AUTS2: variants seen among roughly 807,000 people sequenced by gnomAD.
AUTS2 encodes the protein activator of transcription and developmental regulator AUTS2.
AUTS2 carries 17 observed loss-of-function variants against 112.4 expected under a neutral mutation model. The observed-to-expected ratio is 0.15, with a 90% CI of 0.10 to 0.23. The LOEUF is 0.23. Ranked by LOEUF, AUTS2 falls within the 10% of genes least tolerant of loss-of-function variation. The pLI is 1.00. For missense variants in AUTS2, 1,510 were observed against 1,701.6 expected, an observed-to-expected ratio of 0.89 and a Z score of 1.98; for synonymous variants, 751 against 702.7, an observed-to-expected ratio of 1.07 and a Z score of -1.09.
chr7:69,682,041 TTA>T (rs1796822641), intron 1 of AUTS2, among the ~76,000 whole-genome samples: 1 of 152,198 alleles, frequency 6.6e-6, no homozygotes, highest in African/African-American at 2.4e-5. Flanking sequence ...CTTAGGTGAG[TTA>T]ATGCCTGTAA....
At chr7:70,548,892 A>G (rs530788761) in intron 5 of AUTS2, among the ~76,000 whole-genome samples, 11 of 150,962 alleles carry the variant, frequency 7.3e-5, no homozygotes, top group South Asian at 2.1e-4. Flanking sequence ...TTGCATTTCC[A>G]TATACATTTT....
At chr7:70,762,447 T>C (rs1276865781) in intron 6 of AUTS2, among the ~76,000 whole-genome samples, 1 of 152,006 alleles carries the variant, frequency 6.6e-6, no homozygotes, top group Non-Finnish European at 1.5e-5. Context: ...ATTTTTTTTT[T>C]TGTAGAGTCA....
At chr7:70,503,427 C>T (rs1183290710) in intron 5 of AUTS2, among the ~76,000 whole-genome samples, 2 of 151,730 alleles carry the variant, frequency 1.3e-5, no homozygotes, top group African/African-American at 4.8e-5. Context: ...CAAGCTAGGC[C>T]CAGTGGTTTG....
intron 4 of AUTS2, among the ~76,000 whole-genome samples, chr7:70,251,536 A>C (rs1025349225): frequency 1.3e-5 from 2 of 152,070 alleles, no homozygotes; most frequent in African/African-American, 4.8e-5. Context: ...TTGTCTATTC[A>C]GTTTCTTTTC....
chr7:70,345,540 G>T (rs1332381572), intron 4 of AUTS2, among the ~76,000 whole-genome samples: 1 of 152,002 alleles, frequency 6.6e-6, no homozygotes, highest in African/African-American at 2.4e-5. Context: ...TTCTTATAGG[G>T]GCAGTTTCAC....
intron 2 of AUTS2, among the ~76,000 whole-genome samples, chr7:70,054,487 TCTC>T (rs1373585176): frequency 6.6e-6 from 1 of 152,186 alleles, no homozygotes; most frequent in Non-Finnish European, 1.5e-5. Context: ...CTGCCTGTGT[TCTC>T]CTTCTGTCCC....
chr7:69,710,062 G>A (rs1173864796), intron 1 of AUTS2, among the ~76,000 whole-genome samples: 2 of 152,050 alleles, frequency 1.3e-5, no homozygotes, highest in African/African-American at 4.8e-5. Context: ...TTGATGGCCA[G>A]CCCTCTAAAT....
chr7:69,736,992 G>T (rs943948312), intron 1 of AUTS2, among the ~76,000 whole-genome samples: 3 of 152,076 alleles, frequency 2.0e-5, no homozygotes, highest in African/African-American at 7.2e-5. Context: ...GGGTTATTCC[G>T]GGAAAATCAG....
intron 5 of AUTS2, among the ~76,000 whole-genome samples, chr7:70,573,269 C>T (rs1802025796): frequency 6.6e-6 from 1 of 152,190 alleles, no homozygotes; most frequent in Non-Finnish European, 1.5e-5. Context: ...GAGGTGGCCA[C>T]AGACGCAGTG....
chr7:69,986,079 A>G (rs1798503735), intron 2 of AUTS2, among the ~76,000 whole-genome samples: 1 of 151,998 alleles, frequency 6.6e-6, no homozygotes, highest in African/African-American at 2.4e-5. Context: ...CTTATGTCTT[A>G]CTCTGTTATT....
chr7:70,649,034 A>G (rs532410890), intron 5 of AUTS2, among the ~76,000 whole-genome samples: 4 of 152,314 alleles, frequency 2.6e-5, no homozygotes, highest in African/African-American at 7.2e-5. Context: ...GCCTTTTCCT[A>G]TTGACCTAAG....
intron 4 of AUTS2, among the ~76,000 whole-genome samples, chr7:70,378,849 T>C (rs1269993030): frequency 1.3e-5 from 2 of 152,242 alleles, no homozygotes; most frequent in African/African-American, 2.4e-5. Flanking sequence ...CAGTAAATCC[T>C]AGTGATGGAC....
intron 5 of AUTS2, among the ~76,000 whole-genome samples, chr7:70,491,211 TTATCA>T (rs1288555449): frequency 2.7e-5 from 4 of 148,828 alleles, no homozygotes; most frequent in Admixed American, 6.7e-5. Context: ...TATTCTCTCA[TTATCA>T]CACACTCTCT....
In AUTS2 at chr7:70,435,793, C is replaced by T. The variant is rs749192360; in HGVS notation, c.690+12C>T. 4 of 1,613,666 alleles carry T rather than the reference C, an allele frequency of 2.5e-6. No homozygotes were observed. Among genetic ancestry groups the T allele is most frequent in the South Asian group, 1.1e-5 (1 of 91,066 alleles). On this transcript the variant is annotated intron_variant, in intron 5 of 18. Coordinates refer to ENST00000342771, the MANE Select transcript of AUTS2 (RefSeq NM_015570.4). ...ACCAGGAAGAGAAGGTAAGACCCCC[C>T]CTCCCCCATTGTGGGCACAGCACAT...
chr7:69,619,497 A>G (rs560613304), intron 1 of AUTS2, among the ~76,000 whole-genome samples: 1 of 152,282 alleles, frequency 6.6e-6, no homozygotes, highest in Non-Finnish European at 1.5e-5. Context: ...GGTCTACATC[A>G]CAGGTTTATC....
intron 4 of AUTS2, among the ~76,000 whole-genome samples, chr7:70,178,424 T>C (rs191264772): frequency 6.6e-6 from 1 of 152,318 alleles, no homozygotes; most frequent in Non-Finnish European, 1.5e-5. Context: ...CAAGGATTTT[T>C]ATGGAAAGCT....
chr7:70,067,268 G>T (rs1364242539), intron 2 of AUTS2, among the ~76,000 whole-genome samples: 4 of 152,064 alleles, frequency 2.6e-5, no homozygotes, highest in Non-Finnish European at 5.9e-5. Flanking sequence ...AATAAAGTCT[G>T]GTTTGGAATG....
chr7:70,291,313 T>C lies in AUTS2; in HGVS notation c.661-144439T>C, dbSNP rs888043436. ...TATAGTTATCTTTACCCCATAGCTT[T>C]CAAAAAGGCATTTGAAGCAATTTAA... On this transcript the variant is annotated intron_variant, in intron 4 of 18. Transcript: ENST00000342771. 7 of 152,164 alleles carry C rather than the reference T, an allele frequency of 4.6e-5. 1 individual carries two copies. The highest frequency in any genetic ancestry group is 1.7e-4 in the African/African-American group (7 of 41,438). 9.4% of individuals were successfully genotyped at this position (152,164 alleles called of 1,614,324 possible). A position where few individuals can be genotyped will look rare whatever the true frequency, so the allele number is the denominator to read the frequency against.
At chr7:70,170,838 C>G (rs1358940680) in intron 4 of AUTS2, among the ~76,000 whole-genome samples, 1 of 152,120 alleles carries the variant, frequency 6.6e-6, no homozygotes, top group Non-Finnish European at 1.5e-5. Flanking sequence ...GAACTCCTGA[C>G]CTCGTGATCC....
Sources: gnomAD v4.1 joint callset for allele counts (sites outside exome capture counted in the v4.1 genomes callset) on GRCh38, gnomAD v4.1.1 for gene constraint, MANE v1.5 for transcripts, NCBI Gene and HGNC (gene_info 2026-07-23, HGNC 2026-07-21) for gene names.